Variants in NUGGC observed in about 807,000 individuals in gnomAD.
The protein encoded by NUGGC is nuclear GTPase, germinal center associated.
In NUGGC, 58 loss-of-function variants were observed where a neutral mutation model predicts 92.6. That is an observed-to-expected ratio of 0.63 (90% CI 0.51 to 0.78). The LOEUF is 0.78. NUGGC is among the 30% of genes least tolerant of loss of function. NUGGC has a pLI of 0.00. For missense variants in NUGGC, 925 were observed against 964.6 expected (o/e 0.96, Z 0.54); for synonymous variants, 376 against 366.4 (o/e 1.03, Z -0.30).
Position 28,023,386 on chromosome 8 carries a change from C to A in NUGGC, c.2322G>T (p.Arg774Ser). ...LREVAENARL[R>S]KGMQEFLLRA... is the part of the protein sequence containing the mutation. ...TTAGGAGGAATTCTTGCATGCCCTT[C>A]CTCAGCCGTGCATTCTCCGCGACCT... The change falls in exon 19 of 19, where the codon AGG becomes AGT. Residue 774 changes from arginine to serine, a missense_variant. Arg to Ser is a moderately radical substitution (Grantham distance 110). Transcript: ENST00000413272. The A allele has an allele frequency of 6.2e-7, 1 of 1,614,014 alleles. No individual in the cohort carries two copies. The highest frequency in any genetic ancestry group is 8.5e-7 in the Non-Finnish European group (1 of 1,179,872).
chr8:28,068,558 T>C, intron 4 of NUGGC, 120 bp from the exon 5 acceptor site: 4 of 666,086 alleles, frequency 6.0e-6, no homozygotes, highest in Non-Finnish European at 2.6e-6. Flanking sequence ...CCTGAGTCTC[T>C]GTTCTCTCCT....
intron 11 of NUGGC, among the ~76,000 whole-genome samples, chr8:28,045,916 G>A (rs1809821360): frequency 6.6e-6 from 1 of 152,178 alleles, no homozygotes; most frequent in South Asian, 2.1e-4. Context: ...ACATGGAAAA[G>A]TACAGGCTAG....
chr8:28,033,462 A>G, intron 14 of NUGGC, 78 bp downstream of exon 14: 1 of 1,389,540 alleles, frequency 7.2e-7, no homozygotes. Flanking sequence ...TTACAGATCC[A>G]AAGTCTAAAT....
intron 1 of NUGGC, among the ~76,000 whole-genome samples, chr8:28,075,258 C>G (rs565961799): frequency 6.6e-6 from 1 of 152,258 alleles, no homozygotes; most frequent in Non-Finnish European, 1.5e-5. Context: ...AGCGCAACTT[C>G]CACCAGGAGG....
intron 13 of NUGGC, among the ~76,000 whole-genome samples, chr8:28,040,260 T>G (rs1046387834): frequency 2.0e-5 from 3 of 152,182 alleles, no homozygotes; most frequent in Non-Finnish European, 4.4e-5. Flanking sequence ...TTTTCATCCT[T>G]CAGAAACTCT....
chr8:28,050,234 AATT>A (rs1455740249), intron 10 of NUGGC, among the ~76,000 whole-genome samples: 1 of 151,864 alleles, frequency 6.6e-6, no homozygotes, highest in Non-Finnish European at 1.5e-5. Context: ...AAAAATACAA[AATT>A]AGCCAGGCAT....
At chr8:28,062,097 AC>A (rs1810321426) in intron 7 of NUGGC, among the ~76,000 whole-genome samples, 1 of 152,136 alleles carries the variant, frequency 6.6e-6, no homozygotes, top group Admixed American at 6.6e-5. Context: ...CTGTCCAGGA[AC>A]CTTTTGGCTC....
chr8:28,034,442 G>A (rs1317568213), intron 13 of NUGGC, among the ~76,000 whole-genome samples: 2 of 152,172 alleles, frequency 1.3e-5, no homozygotes, highest in African/African-American at 2.4e-5. Flanking sequence ...ACATAGCATT[G>A]TACAATTGGT....
chr8:28,067,116 A>G (rs757028565), intron 6 of NUGGC, among the ~76,000 whole-genome samples: 1 of 152,232 alleles, frequency 6.6e-6, no homozygotes, highest in Non-Finnish European at 1.5e-5. Flanking sequence ...AAAGGGAGCC[A>G]GAGATGCTGA....
intron 9 of NUGGC, among the ~76,000 whole-genome samples, chr8:28,057,109 C>T (rs1810162089): frequency 6.6e-6 from 1 of 152,114 alleles, no homozygotes; most frequent in Non-Finnish European, 1.5e-5. Context: ...CATGTGAAGT[C>T]CAGTGATCCT....
intron 17 of NUGGC, 136 bp downstream of exon 17, chr8:28,029,130 C>G: frequency 1.2e-6 from 1 of 824,308 alleles, no homozygotes; most frequent in Non-Finnish European, 1.9e-6. Flanking sequence ...GACTGCAGCT[C>G]TCAAGTCGAA....
intron 18 of NUGGC, among the ~76,000 whole-genome samples, chr8:28,025,434 G>A (rs1452649621): frequency 6.6e-6 from 1 of 152,216 alleles, no homozygotes; most frequent in Admixed American, 6.5e-5. Flanking sequence ...TTGAAGTTCA[G>A]AGACAGAGTG....
intron 7 of NUGGC, among the ~76,000 whole-genome samples, chr8:28,063,838 C>T (rs376369987): frequency 3.3e-5 from 5 of 152,176 alleles, no homozygotes; most frequent in African/African-American, 7.2e-5. Flanking sequence ...TGATGCTGGT[C>T]CCCCTCTCCC....
chr8:28,074,062 T>A (rs1810658869), intron 2 of NUGGC, among the ~76,000 whole-genome samples: 1 of 151,862 alleles, frequency 6.6e-6, no homozygotes, highest in Admixed American at 6.6e-5. Flanking sequence ...GCCTCCCAAA[T>A]TGCTGGGATT....
rs1163643417 is a variant in NUGGC, at chr8:28,062,861, A to G, written c.921+1661T>C. On this transcript the variant is annotated intron_variant, in intron 7 of 18. Coordinates refer to ENST00000413272, the MANE Select transcript of NUGGC (RefSeq NM_001010906.2). ...TTAAATTTCAGACCGACCCCACACA[A>G]AGCTCCCACTGCCAGGGTTTGGTAA... 1.3e-5 allele frequency among the ~76,000 whole-genome samples: 2 copies of G among 152,180 alleles called. 1 individual carries two copies. The highest frequency in any genetic ancestry group is 3.8e-4 in the East Asian group (2 of 5,200).
intron 11 of NUGGC, among the ~76,000 whole-genome samples, chr8:28,047,267 G>A (rs1017829357): frequency 1.3e-5 from 2 of 152,156 alleles, no homozygotes. Flanking sequence ...ACTGCGCCCA[G>A]CAACCCAATT....
In NUGGC at chr8:28,070,302, T is replaced by G; in HGVS notation, c.98A>C (p.Asp33Ala). 1 of 1,553,974 alleles carries G rather than the reference T, an allele frequency of 6.4e-7. No individual in the cohort carries two copies. Among genetic ancestry groups the G allele is most frequent in the Non-Finnish European group, 8.7e-7 (1 of 1,147,364 alleles). ...RTRKRRKSDR[D>A]QRFRAFPSME... ...GGAGGGAAATGCTCGGAACCGCTGGTCTCGATCTGATTTCCTTCTTTTTCT... is the reference window on the plus strand; with the variant it reads ...GGAGGGAAATGCTCGGAACCGCTGGGCTCGATCTGATTTCCTTCTTTTTCT... The change falls in exon 3 of 19, where the codon GAC becomes GCC. Residue 33 changes from aspartate to alanine, a missense_variant. By Grantham distance (126) the Asp-to-Ala change is moderately radical. Coordinates refer to ENST00000413272, the MANE Select transcript of NUGGC (RefSeq NM_001010906.2).
intron 13 of NUGGC, among the ~76,000 whole-genome samples, chr8:28,036,941 G>A (rs1032170846): frequency 2.0e-5 from 3 of 152,114 alleles, no homozygotes; most frequent in African/African-American, 4.8e-5. Context: ...ATGTAACCAC[G>A]CCACATGAGG....
chr8:28,024,860 C>T (rs1255233053), intron 18 of NUGGC, among the ~76,000 whole-genome samples: 2 of 152,224 alleles, frequency 1.3e-5, no homozygotes, highest in Admixed American at 1.3e-4. Context: ...TGAATAACCA[C>T]TCTGTCTCTG....
Sources: allele counts gnomAD v4.1 joint callset (sites outside exome capture counted in the v4.1 genomes callset), GRCh38; gene constraint gnomAD v4.1.1; transcripts MANE v1.5; gene names NCBI Gene and HGNC (gene_info 2026-07-23, HGNC 2026-07-21).